The following SMURF2 variants were observed in gnomAD, a reference collection of about 807,000 sequenced individuals.
The protein encoded by SMURF2 is E3 ubiquitin-protein ligase SMURF2.
In SMURF2, 48 loss-of-function variants were observed where a neutral mutation model predicts 109.6. The ratio of observed to expected loss-of-function variants is 0.44; its 90% CI spans 0.35 to 0.56. The LOEUF (loss-of-function observed/expected upper bound fraction) is 0.56, where lower values mean the gene tolerates loss of function less well. SMURF2 is among the 20% of genes least tolerant of loss of function. The pLI is 0.01. For synonymous variants in SMURF2, 288 were observed against 317.1 expected (o/e 0.91, Z 0.97); for missense variants, 575 against 909.0 (o/e 0.63, Z 4.72).
At chr17:64,593,329 T>A in intron 4 of SMURF2, 111 bp downstream of exon 4, 1 of 845,706 alleles carries the variant, frequency 1.2e-6, no homozygotes, top group Non-Finnish European at 1.6e-6. Context: ...TATTTTTAAA[T>A]ATATATTTGA....
rs141482308 is a variant in SMURF2 at position 64,624,402 on chromosome 17, C to T, written c.53-17762G>A. On this transcript the variant is annotated intron_variant, in intron 1 of 18. Coordinates refer to ENST00000262435, the MANE Select transcript of SMURF2 (RefSeq NM_022739.4). ...AAACTGGAGTGGACTGGTGTAATCT[C>T]GGCTCACTGCAGCCTCCGCCTCCCA... 9.0e-3 allele frequency among the ~76,000 whole-genome samples: 1,349 copies of T among 149,624 alleles called. 11 individuals carry two copies. The highest frequency in any genetic ancestry group is 0.017 in the Middle Eastern group (5 of 288).
chr17:64,584,583 T>A (rs1277223442), intron 6 of SMURF2, among the ~76,000 whole-genome samples: 2 of 151,912 alleles, frequency 1.3e-5, no homozygotes, highest in Non-Finnish European at 2.9e-5. Flanking sequence ...GCTCTTGATC[T>A]CTTGACCATG....
intron 16 of SMURF2, among the ~76,000 whole-genome samples, chr17:64,550,546 G>A (rs927098846): frequency 2.0e-5 from 3 of 152,102 alleles, no homozygotes; most frequent in Admixed American, 6.6e-5. Flanking sequence ...GTGGAAGGCC[G>A]AGGTGGGTGG....
chr17:64,584,050 C>T (rs1969613110), intron 6 of SMURF2, among the ~76,000 whole-genome samples: 1 of 151,864 alleles, frequency 6.6e-6, no homozygotes, highest in South Asian at 2.1e-4. Flanking sequence ...GTCTGTAATT[C>T]CAGCATTTTG....
At chr17:64,550,535 T>C (rs1488372415) in intron 16 of SMURF2, among the ~76,000 whole-genome samples, 1 of 152,136 alleles carries the variant, frequency 6.6e-6, no homozygotes, top group Non-Finnish European at 1.5e-5. Context: ...ATCCCAGCAC[T>C]GTGGAAGGCC....
At chr17:64,649,806 T>G (rs1970612166) in intron 1 of SMURF2, among the ~76,000 whole-genome samples, 1 of 152,106 alleles carries the variant, frequency 6.6e-6, no homozygotes, top group Admixed American at 6.6e-5. Context: ...ATTGCACCAC[T>G]GCACACCAGC....
At chr17:64,572,409 CA>C (rs1383529513) in intron 9 of SMURF2, among the ~76,000 whole-genome samples, 2 of 152,012 alleles carry the variant, frequency 1.3e-5, no homozygotes, top group Non-Finnish European at 2.9e-5. Flanking sequence ...GCCAACAAAG[CA>C]AAACTGGAAA....
rs183241853 is a variant in SMURF2, at chr17:64,564,016, T to C, written c.1017-1050A>G. Among the ~76,000 whole-genome samples the C allele has an allele frequency of 4.8e-3, 727 of 152,278 alleles. 4 individuals carry two copies. Among genetic ancestry groups the C allele is most frequent in the Non-Finnish European group, 7.5e-3 (512 of 68,026 alleles). On this transcript the variant is annotated intron_variant, in intron 10 of 18. Coordinates refer to ENST00000262435, the MANE Select transcript of SMURF2 (RefSeq NM_022739.4). ...AAAGCATATATCAGATATGTAAATA[T>C]CTAAAGAAGCTCAAAACTCAACAAA...
In SMURF2 at chr17:64,544,063, A is replaced by AG. The variant is rs782636191; in HGVS notation, c.*1784dup. On this transcript the variant is annotated 3_prime_UTR_variant, in exon 19 of 19. Coordinates refer to ENST00000262435, the MANE Select transcript of SMURF2 (RefSeq NM_022739.4). ...TAAAATACTTAAAAACTACACAAGTAGTTCTCAACTTTTTTAAAGCAGCAA... is the reference window on the plus strand; with the variant it reads ...TAAAATACTTAAAAACTACACAAGTAGGTTCTCAACTTTTTTAAAGCAGCAA... 1 of 152,256 alleles carries AG rather than the reference A, an allele frequency of 6.6e-6. No homozygotes were observed. The highest frequency in any genetic ancestry group is 1.5e-5 in the Non-Finnish European group (1 of 68,050). The allele number at this position is 152,256 out of a possible 1,614,324, so 9.4% of individuals were successfully genotyped here. A position where few individuals can be genotyped will look rare whatever the true frequency, so the allele number is the denominator to read the frequency against.
chr17:64,543,991 A>G lies in SMURF2; in HGVS notation c.*1857T>C, dbSNP rs1968910938. The G allele has an allele frequency of 6.6e-6, 1 of 152,258 alleles. No homozygotes were observed. Among genetic ancestry groups the G allele is most frequent in the Non-Finnish European group, 1.5e-5 (1 of 68,040 alleles). 9.4% of individuals were successfully genotyped at this position (152,258 alleles called of 1,614,324 possible). A position where few individuals can be genotyped will look rare whatever the true frequency, so the allele number is the denominator to read the frequency against. On this transcript the variant is annotated 3_prime_UTR_variant, in exon 19 of 19. Coordinates refer to ENST00000262435, the MANE Select transcript of SMURF2 (RefSeq NM_022739.4). ...ATATTACCACTGCACAGTTACAACT[A>G]TGACTAGCTTGCTTGTGGCAGTTGA...
intron 1 of SMURF2, among the ~76,000 whole-genome samples, chr17:64,619,761 G>T (rs1555690470): frequency 6.6e-6 from 1 of 151,950 alleles, no homozygotes; most frequent in African/African-American, 2.4e-5. Context: ...TATTCATGAA[G>T]GCTCCACCCT....
intron 9 of SMURF2, among the ~76,000 whole-genome samples, chr17:64,576,741 G>A (rs1399402863): frequency 6.6e-6 from 1 of 151,744 alleles, no homozygotes; most frequent in East Asian, 1.9e-4. Flanking sequence ...ACAGAACATT[G>A]AATGCATTTA....
At chr17:64,591,388 T>C (rs1472334559) in intron 4 of SMURF2, among the ~76,000 whole-genome samples, 1 of 152,222 alleles carries the variant, frequency 6.6e-6, no homozygotes, top group Non-Finnish European at 1.5e-5. Context: ...AAGGAATTTA[T>C]CCCTAAGCCT....
intron 1 of SMURF2, among the ~76,000 whole-genome samples, chr17:64,639,615 G>C (rs1184934478): frequency 6.6e-6 from 1 of 152,054 alleles, no homozygotes; most frequent in Non-Finnish European, 1.5e-5. Flanking sequence ...GTTTCAAAGA[G>C]ATAATAGCAA....
chr17:64,585,833 A>G (rs1192282141), intron 6 of SMURF2, among the ~76,000 whole-genome samples: 48 of 152,174 alleles, frequency 3.2e-4, no homozygotes, highest in Middle Eastern at 6.3e-3. Flanking sequence ...TTTACAAGAG[A>G]GTTATATTTG....
At chr17:64,638,614 C>A (rs1328291763) in intron 1 of SMURF2, among the ~76,000 whole-genome samples, 3 of 152,222 alleles carry the variant, frequency 2.0e-5, no homozygotes, top group Non-Finnish European at 4.4e-5. Context: ...CTTAACAAGT[C>A]TCTTTCATTA....
intron 1 of SMURF2, among the ~76,000 whole-genome samples, chr17:64,624,333 T>TA (rs1191228889): frequency 6.9e-5 from 9 of 131,092 alleles, no homozygotes; most frequent in Admixed American, 3.8e-4. Flanking sequence ...CTCATCTCTA[T>TA]AAAAAAAAAT....
rs1422289594 is a variant in SMURF2, at chr17:64,542,762, T to G, written c.*3086A>C. 2 of 152,192 alleles carry G rather than the reference T, an allele frequency of 1.3e-5. No homozygotes were observed. The highest frequency in any genetic ancestry group is 1.3e-4 in the Admixed American group (2 of 15,282). 9.4% of individuals were successfully genotyped at this position (152,192 alleles called of 1,614,324 possible). On this transcript the variant is annotated 3_prime_UTR_variant, in exon 19 of 19. Transcript: ENST00000262435. ...TGTTGTAAAGTAAAGCGAATTACAT[T>G]GTATTTGAAAGAAGAGAATCTTGTG...
chr17:64,616,875 T>C (rs749661058), intron 1 of SMURF2, among the ~76,000 whole-genome samples: 3 of 150,476 alleles, frequency 2.0e-5, no homozygotes, highest in Non-Finnish European at 3.0e-5. Context: ...TCGAGACCAG[T>C]CTGGGCAACA....
Sources: gnomAD v4.1 joint callset for allele counts (sites outside exome capture counted in the v4.1 genomes callset) on GRCh38, gnomAD v4.1.1 for gene constraint, MANE v1.5 for transcripts, NCBI Gene and HGNC (gene_info 2026-07-23, HGNC 2026-07-21) for gene names.